The following ESRP1 variants were observed in gnomAD, a reference collection of about 807,000 sequenced individuals.
ESRP1 encodes epithelial splicing regulatory protein 1, also known as RNA-binding motif protein 35A.
In ESRP1, 33 loss-of-function variants were observed where a neutral mutation model predicts 81.7. The ratio of observed to expected loss-of-function variants is 0.40; its 90% CI spans 0.31 to 0.54. The LOEUF (loss-of-function observed/expected upper bound fraction) is 0.54, where lower values mean the gene tolerates loss of function less well. ESRP1 is among the 20% of genes least tolerant of loss of function. The probability of loss-of-function intolerance (pLI) is 0.41; values close to 1 mark genes in which losing one functional copy is unlikely to be tolerated. For missense variants in ESRP1, 672 were observed against 833.1 expected (o/e 0.81, Z 2.38); for synonymous variants, 320 against 303.3 (o/e 1.06, Z -0.57).
intron 4 of ESRP1, 161 bp downstream of exon 4, chr8:94,646,443 A>G: frequency 1.9e-6 from 1 of 525,896 alleles, no homozygotes; most frequent in Non-Finnish European, 3.4e-6. Flanking sequence ...AATTATAGAC[A>G]TCTTTGAAAG....
chr8:94,675,288 T>A (rs1019085317), intron 12 of ESRP1, among the ~76,000 whole-genome samples: 1 of 152,214 alleles, frequency 6.6e-6, no homozygotes, highest in African/African-American at 2.4e-5. Context: ...TTGGGTATGT[T>A]TAAAGAATAT....
At chr8:94,647,172 T>C (rs1240610932) in intron 4 of ESRP1, among the ~76,000 whole-genome samples, 1 of 152,238 alleles carries the variant, frequency 6.6e-6, no homozygotes, top group Non-Finnish European at 1.5e-5. Flanking sequence ...CGCATATATT[T>C]CATAACTACT....
At chr8:94,687,239 T>A (rs1400844553) in intron 13 of ESRP1, among the ~76,000 whole-genome samples, 1 of 152,218 alleles carries the variant, frequency 6.6e-6, no homozygotes, top group Non-Finnish European at 1.5e-5. Flanking sequence ...CCAGATAATA[T>A]TTCAGTTTCA....
rs558010423 is a variant in ESRP1 at position 94,695,557 on chromosome 8, TGCTGGCCAG to T, written c.1972-1280_1972-1272del. Among the ~76,000 whole-genome samples the T allele has an allele frequency of 1.1e-3, 160 of 151,432 alleles. 1 individual carries two copies. The Middle Eastern group carries it at 0.028, about 26-fold the overall frequency. On this transcript the variant is annotated intron_variant, in intron 14 of 15. Transcript: ENST00000433389. ...TTTTGGTAGAGATGGGGTTTTACCA[TGCTGGCCAG>T]GCTGGCCAGGCTGGTCTCGAACTCC...
chr8:94,705,965 A>T lies in ESRP1; in HGVS notation c.*76A>T. The stretch of plus-strand genomic sequence containing the variant: ...TGGTGATCTTGAAACCTCCAGACAC[A>T]AGAAAACTTCTAGCAAATTCAGGGG... On this transcript the variant is annotated 3_prime_UTR_variant, in exon 16 of 16. Transcript: ENST00000433389. The T allele has an allele frequency of 6.6e-7, 1 of 1,525,908 alleles. No individual in the cohort carries two copies. The highest frequency in any genetic ancestry group is 8.8e-7 in the Non-Finnish European group (1 of 1,140,274). The allele number at this position is 1,525,908 out of a possible 1,614,324, so 94.5% of individuals were successfully genotyped here. A position where few individuals can be genotyped will look rare whatever the true frequency, so the allele number is the denominator to read the frequency against.
intron 6 of ESRP1, 44 bp downstream of exon 6, chr8:94,662,599 T>TA (rs1818804637): frequency 2.0e-6 from 3 of 1,499,924 alleles, no homozygotes; most frequent in African/African-American, 1.4e-5. Flanking sequence ...TAACTTGTTT[T>TA]TTTTTTTTGT....
Position 94,674,321 on chromosome 8 carries a change from G to A in ESRP1, c.1466G>A (p.Gly489Glu), listed in dbSNP as rs1329697450. ...MVLNHQGRPS[G>E]DAFIQMKSAD... ...CCACACACTCAGGGCCGCCCATCAGGAGATGCCTTTATCCAGATGAAGTCT... is the reference window on the plus strand; with the variant it reads ...CCACACACTCAGGGCCGCCCATCAGAAGATGCCTTTATCCAGATGAAGTCT... The change falls in exon 12 of 16, where the codon GGA (glycine) becomes GAA (glutamate). Residue 489 changes from glycine (G) to glutamate (E), a missense_variant. Transcript: ENST00000433389. 1 of 1,613,858 alleles carries A rather than the reference G, an allele frequency of 6.2e-7. No homozygotes were observed.
intron 13 of ESRP1, among the ~76,000 whole-genome samples, chr8:94,684,658 A>G (rs1323065682): frequency 6.6e-6 from 1 of 152,210 alleles, no homozygotes; most frequent in African/African-American, 2.4e-5. Context: ...GTGAAACAAT[A>G]TGTAGTCACT....
chr8:94,701,908 G>A (rs889965406), intron 15 of ESRP1, among the ~76,000 whole-genome samples: 4 of 152,114 alleles, frequency 2.6e-5, no homozygotes, highest in East Asian at 1.9e-4. Flanking sequence ...GTGAGACCTC[G>A]TCTCTACAAA....
chr8:94,700,338 G>A (rs879912072), intron 15 of ESRP1, among the ~76,000 whole-genome samples: 15 of 152,264 alleles, frequency 9.9e-5, no homozygotes, highest in Non-Finnish European at 1.8e-4. Context: ...ACAATCACTC[G>A]TGTAAGAAAG....
chr8:94,659,537 C>T (rs1818611772), intron 4 of ESRP1, among the ~76,000 whole-genome samples: 4 of 152,136 alleles, frequency 2.6e-5, no homozygotes, highest in Admixed American at 2.6e-4. Flanking sequence ...CAGCATCTAA[C>T]CTTTCAAATG....
At chr8:94,699,254 T>A (rs574641792) in intron 15 of ESRP1, among the ~76,000 whole-genome samples, 2 of 152,194 alleles carry the variant, frequency 1.3e-5, no homozygotes, top group South Asian at 4.1e-4. Flanking sequence ...CATGACAGAA[T>A]AACAGATCGG....
chr8:94,648,659 G>A (rs1817959783), intron 4 of ESRP1, among the ~76,000 whole-genome samples: 4 of 152,346 alleles, frequency 2.6e-5, no homozygotes, highest in Admixed American at 6.5e-5. Flanking sequence ...AAGGTCATTT[G>A]CTCTTGAGGA....
chr8:94,645,427 GAA>G lies in ESRP1; in HGVS notation c.376-731_376-730del, dbSNP rs3840685. Reference sequence around the variant, plus strand: ...ATCCAATGCTGGGTTATTTTGTTAAGAAAAAAAAAAACAAAGGAAACAATAGT... The same window carrying G: ...ATCCAATGCTGGGTTATTTTGTTAAGAAAAAAAAACAAAGGAAACAATAGT... On this transcript the variant is annotated intron_variant, in intron 3 of 15. Coordinates refer to ENST00000433389, the MANE Select transcript of ESRP1 (RefSeq NM_017697.4). Among the ~76,000 whole-genome samples the G allele has an allele frequency of 4.7e-5, 7 of 149,694 alleles. No individual in the cohort carries two copies. The Middle Eastern group carries it at 0.01, about 221-fold the overall frequency.
chr8:94,642,242 G>A (rs1817639403), intron 2 of ESRP1, among the ~76,000 whole-genome samples, 158 bp downstream of exon 2: 1 of 152,246 alleles, frequency 6.6e-6, no homozygotes, highest in South Asian at 2.1e-4. Flanking sequence ...GGGGCGCACC[G>A]TTTGGGCGGG....
intron 13 of ESRP1, among the ~76,000 whole-genome samples, chr8:94,678,704 T>G (rs1457548362): frequency 6.6e-6 from 1 of 152,184 alleles, no homozygotes; most frequent in Non-Finnish European, 1.5e-5. Context: ...AACAGGAAAA[T>G]TCATAACAGG....
Position 94,671,604 on chromosome 8 carries a change from T to C in ESRP1, c.1385T>C (p.Leu462Pro). ...TATGCAGCCACAATTGAGGACATCC[T>C]GGATTTCCTGGGGGAGTTCGCCACA... is the stretch of plus-strand genomic sequence containing the variant. ...LPYAATIEDI[L>P]DFLGEFATDI... The change falls in exon 11 of 16, where the codon CTG becomes CCG. Residue 462 changes from leucine to proline, a missense_variant. Transcript: ENST00000433389. 6.2e-7 allele frequency: 1 copy of C among 1,613,966 alleles called. No homozygotes were observed. Among genetic ancestry groups the C allele is most frequent in the Non-Finnish European group, 8.5e-7 (1 of 1,179,874 alleles).
chr8:94,652,035 C>T (rs892704904), intron 4 of ESRP1, among the ~76,000 whole-genome samples: 1 of 117,390 alleles, frequency 8.5e-6, no homozygotes, highest in Non-Finnish European at 1.6e-5. Flanking sequence ...CTTGCCCATG[C>T]TGGAGTGCAG....
At chr8:94,665,251 A>G (rs758878541) in intron 9 of ESRP1, 55 bp downstream of exon 9, 99 of 1,560,052 alleles carry the variant, frequency 6.3e-5, no homozygotes, top group Non-Finnish European at 8.5e-5. Flanking sequence ...AAAATTTTGC[A>G]TACTTAAATT....
Sources: allele counts gnomAD v4.1 joint callset (sites outside exome capture counted in the v4.1 genomes callset), GRCh38; gene constraint gnomAD v4.1.1; transcripts MANE v1.5; gene names NCBI Gene and HGNC (gene_info 2026-07-23, HGNC 2026-07-21).